The following C3orf70 variants were observed in gnomAD, a reference collection of about 807,000 sequenced individuals.
The protein encoded by C3orf70 is chromosome 3 open reading frame 70.
In C3orf70, 15 loss-of-function variants were observed where a neutral mutation model predicts 20.7. The observed-to-expected ratio is 0.72, with a 90% confidence interval of 0.48 to 1.11. The LOEUF (loss-of-function observed/expected upper bound fraction) is 1.11. Ranked by LOEUF, C3orf70 falls within the 50% of genes most tolerant of loss-of-function variation. The pLI is 0.00. For synonymous variants in C3orf70, 161 were observed against 125.7 expected, an observed-to-expected ratio of 1.28 and a Z score of -1.88; for missense variants, 332 against 317.6, an observed-to-expected ratio of 1.05 and a Z score of -0.34.
intron 1 of C3orf70, among the ~76,000 whole-genome samples, chr3:185,117,858 T>G (rs554712602): frequency 6.6e-6 from 1 of 152,314 alleles, no homozygotes; most frequent in South Asian, 2.1e-4. Context: ...ACCTACATTT[T>G]CTAACAGTAA....
intron 1 of C3orf70, among the ~76,000 whole-genome samples, chr3:185,087,465 G>A (rs759786500): frequency 2.0e-5 from 3 of 152,148 alleles, no homozygotes; most frequent in Non-Finnish European, 4.4e-5. Context: ...TCATATACAC[G>A]TAAAATATAT....
Position 185,077,968 on chromosome 3 carries a change from AGACC to A in C3orf70, c.*5035_*5038del. On this transcript the variant is annotated 3_prime_UTR_variant, in exon 2 of 2. Transcript: ENST00000335012. ...TACGCTATTTCCTAGCACGTAGGAA[AGACC>A]TGATATATAAATGTTTCACACTTTG... is the stretch of plus-strand genomic sequence containing the variant. 6.6e-6 allele frequency: 1 copy of A among 152,552 alleles called. No individual in the cohort carries two copies. Among genetic ancestry groups the A allele is most frequent in the Middle Eastern group, 3.4e-3 (1 of 294 alleles). The allele number at this position is 152,552 out of a possible 1,614,324, so 9.4% of individuals were successfully genotyped here.
intron 1 of C3orf70, among the ~76,000 whole-genome samples, chr3:185,125,032 CA>C (rs1231168833): frequency 2.6e-5 from 4 of 152,022 alleles, no homozygotes; most frequent in African/African-American, 7.3e-5. Flanking sequence ...GGATGTAGAG[CA>C]ACTGGTATAT....
At chr3:185,141,957 T>C (rs946340845) in intron 1 of C3orf70, among the ~76,000 whole-genome samples, 1 of 152,062 alleles carries the variant, frequency 6.6e-6, no homozygotes, top group Non-Finnish European at 1.5e-5. Flanking sequence ...TCGGTTTCCT[T>C]AGAAAAATGA....
chr3:185,120,033 A>AAAAAAAAAGAAAAAGAAAAAAAAAGAAAG (rs55921240), intron 1 of C3orf70, among the ~76,000 whole-genome samples: 7 of 100,786 alleles, frequency 6.9e-5, no homozygotes, highest in African/African-American at 2.8e-4. Flanking sequence ...AAAAAAAAAA[A>AAAAAAAAAGAAAAAGAAAAAAAAAGAAAG]AAAAAGAAAA....
intron 1 of C3orf70, among the ~76,000 whole-genome samples, chr3:185,102,855 G>A (rs1354853171): frequency 6.6e-6 from 1 of 152,224 alleles, no homozygotes; most frequent in Non-Finnish European, 1.5e-5. Context: ...CTACCCATAT[G>A]CAGAAGACTG....
intron 1 of C3orf70, among the ~76,000 whole-genome samples, chr3:185,149,037 G>A (rs1373097641): frequency 6.6e-6 from 1 of 152,064 alleles, no homozygotes; most frequent in Non-Finnish European, 1.5e-5. Flanking sequence ...TCTCAGATTT[G>A]GCAAACAAAC....
In C3orf70 at chr3:185,080,566, C is replaced by A. The variant is rs1205112048; in HGVS notation, c.*2441G>T. 6.5e-6 allele frequency: 1 copy of A among 152,744 alleles called. No individual in the cohort carries two copies. Among genetic ancestry groups the A allele is most frequent in the Non-Finnish European group, 1.5e-5 (1 of 68,134 alleles). The allele number at this position is 152,744 out of a possible 1,614,324, so 9.5% of individuals were successfully genotyped here. A position where few individuals can be genotyped will look rare whatever the true frequency, so the allele number is the denominator to read the frequency against. On this transcript the variant is annotated 3_prime_UTR_variant, in exon 2 of 2. Coordinates refer to ENST00000335012, the MANE Select transcript of C3orf70 (RefSeq NM_001025266.3). ...TACGCCCATCTGGAGAACGGGCTCA[C>A]CCACAGGGTGAATCTAGACAGGGCC...
chr3:185,091,935 ATATATATATATATATATATATATATATAT>A lies in C3orf70; in HGVS notation c.197-8401_197-8373del, dbSNP rs1190211354. On this transcript the variant is annotated intron_variant, in intron 1 of 1. Transcript: ENST00000335012. ...TACATATATATATATATATATATAT[ATATATATATATATATATATATATATATAT>A]TTTTTTTTTTTTTTAGTAGAGACAG... 2.4e-3 allele frequency among the ~76,000 whole-genome samples: 74 copies of A among 30,626 alleles called. 8 individuals are homozygous for A. Among genetic ancestry groups the A allele is most frequent in the African/African-American group, 7.3e-3 (64 of 8,780 alleles). 20.1% of individuals were successfully genotyped at this position (30,626 alleles called of 152,430 possible). A position where few individuals can be genotyped will look rare whatever the true frequency, so the allele number is the denominator to read the frequency against.
Position 185,152,958 on chromosome 3 carries a change from G to GGAC in C3orf70, c.-136_-135insGTC. On this transcript the variant is annotated 5_prime_UTR_variant, in exon 1 of 2. Transcript: ENST00000335012. ...AGTCACGCCAGCACGCGGCGGCGGC[G>GGAC]GGAGCGCGGCGGTCCCAGGCTCGAG... 1.3e-6 allele frequency: 1 copy of GGAC among 744,410 alleles called. No homozygotes were observed. Among genetic ancestry groups the GGAC allele is most frequent in the Non-Finnish European group, 1.8e-6 (1 of 557,480 alleles). 46.1% of individuals were successfully genotyped at this position (744,410 alleles called of 1,614,324 possible). A position where few individuals can be genotyped will look rare whatever the true frequency, so the allele number is the denominator to read the frequency against.
At position 185,080,391 on chromosome 3, in the gene C3orf70, G is replaced by A. The variant is rs1577314571; in HGVS notation, c.*2616C>T. The stretch of plus-strand genomic sequence containing the variant: ...TAGATGGTACTGAGAGACGGCCCAA[G>A]CCTGCCACTGAGCCAGCTGCAGAAA... On this transcript the variant is annotated 3_prime_UTR_variant, in exon 2 of 2. Coordinates refer to ENST00000335012, the MANE Select transcript of C3orf70 (RefSeq NM_001025266.3). 6.5e-6 allele frequency: 1 copy of A among 152,680 alleles called. No homozygotes were observed. The highest frequency in any genetic ancestry group is 1.5e-5 in the Non-Finnish European group (1 of 68,052). The allele number at this position is 152,680 out of a possible 1,614,324, so 9.5% of individuals were successfully genotyped here.
intron 1 of C3orf70, among the ~76,000 whole-genome samples, chr3:185,148,600 TC>T (rs1240047586): frequency 6.6e-6 from 1 of 152,184 alleles, no homozygotes; most frequent in Admixed American, 6.5e-5. Flanking sequence ...CCATCCCTCC[TC>T]TCTCGCGAAG....
intron 1 of C3orf70, among the ~76,000 whole-genome samples, chr3:185,108,820 G>A (rs375390027): frequency 2.6e-5 from 4 of 152,266 alleles, no homozygotes; most frequent in East Asian, 3.9e-4. Context: ...CCCTCGTTTG[G>A]GAGACTAGCT....
At chr3:185,087,975 G>C (rs1028092885) in intron 1 of C3orf70, among the ~76,000 whole-genome samples, 5 of 149,216 alleles carry the variant, frequency 3.4e-5, no homozygotes, top group African/African-American at 1.2e-4. Flanking sequence ...GCAATAGCAC[G>C]ATCTTGGCTC....
chr3:185,138,603 A>C (rs1716676125), intron 1 of C3orf70, among the ~76,000 whole-genome samples: 1 of 152,220 alleles, frequency 6.6e-6, no homozygotes, highest in Non-Finnish European at 1.5e-5. Context: ...CTTGAAAATA[A>C]ATCAATATAA....
At chr3:185,104,174 T>G (rs1309235642) in intron 1 of C3orf70, among the ~76,000 whole-genome samples, 8 of 152,226 alleles carry the variant, frequency 5.3e-5, no homozygotes, top group Admixed American at 5.2e-4. Flanking sequence ...TATTAAACTT[T>G]CCCTCCAACC....
At chr3:185,123,164 C>A (rs1321974906) in intron 1 of C3orf70, among the ~76,000 whole-genome samples, 4 of 128,738 alleles carry the variant, frequency 3.1e-5, no homozygotes, top group African/African-American at 8.9e-5. Flanking sequence ...GGGTGACAGA[C>A]CGAGACTCCA....
chr3:185,085,760 G>A (rs1024561674), intron 1 of C3orf70, among the ~76,000 whole-genome samples: 1 of 150,068 alleles, frequency 6.7e-6, no homozygotes, highest in African/African-American at 2.5e-5. Context: ...GGACACTATC[G>A]GCTGAAGGGC....
chr3:185,093,589 G>A (rs1176509476), intron 1 of C3orf70, among the ~76,000 whole-genome samples: 3 of 151,982 alleles, frequency 2.0e-5, no homozygotes, highest in South Asian at 2.1e-4. Flanking sequence ...AAACATCCAC[G>A]GACACCACAA....
Sources: allele counts gnomAD v4.1 joint callset (sites outside exome capture counted in the v4.1 genomes callset), GRCh38; gene constraint gnomAD v4.1.1; transcripts MANE v1.5; gene names NCBI Gene and HGNC (gene_info 2026-07-23, HGNC 2026-07-21).